The following BMP5 variants were observed in gnomAD, a reference collection of about 807,000 sequenced individuals.
BMP5 encodes the protein bone morphogenetic protein 5.
In BMP5, 23 loss-of-function variants were observed where a neutral mutation model predicts 46.6. The ratio of observed to expected loss-of-function variants is 0.49; its 90% confidence interval spans 0.35 to 0.70. BMP5 has a LOEUF of 0.70. Ranked by LOEUF, BMP5 falls within the 30% of genes least tolerant of loss-of-function variation. The pLI, the probability that BMP5 is intolerant of heterozygous loss-of-function variation, is 0.00. For missense variants in BMP5, 545 were observed against 565.6 expected (o/e 0.96, Z 0.37); for synonymous variants, 204 against 191.9 (o/e 1.06, Z -0.52).
intron 1 of BMP5, among the ~76,000 whole-genome samples, chr6:55,847,770 T>C (rs1420128535): frequency 6.6e-6 from 1 of 151,920 alleles, no homozygotes; most frequent in Admixed American, 6.6e-5. Flanking sequence ...AGAATATCCA[T>C]TACTGTAGAG....
At position 55,774,037 on chromosome 6, in the gene BMP5, G is replaced by A. The variant is rs752036358; in HGVS notation, c.1027+12C>T. The A allele has an allele frequency of 6.2e-7, 1 of 1,611,728 alleles. No homozygotes were observed. The highest frequency in any genetic ancestry group is 8.5e-7 in the Non-Finnish European group (1 of 1,178,848). On this transcript the variant is annotated intron_variant, in intron 4 of 6. Transcript: ENST00000370830. The stretch of plus-strand genomic sequence containing the variant: ...CTCTCTGTGCATAACTGCTGCTCGG[G>A]TTTATTCTTACCTCCAACACTGGAC...
rs1776362867 is a variant in BMP5 at position 55,819,722 on chromosome 6, T to C, written c.616A>G (p.Asn206Asp). 1.2e-6 allele frequency: 2 copies of C among 1,613,824 alleles called. No individual in the cohort carries two copies. Among genetic ancestry groups the C allele is most frequent in the South Asian group, 2.2e-5 (2 of 91,080 alleles). ...AEFRIYKDRS[N>D]NRFENETIKI... ...ATTGTTTCATTTTCAAATCGGTTGT[T>C]GCTCCGGTCCTTGTATATCCGGAAT... Residue 206 changes from asparagine to aspartate, a missense_variant, in exon 2 of 7, where the codon AAC becomes GAC. By Grantham distance (23) the Asn-to-Asp change is conservative. Coordinates refer to ENST00000370830, the MANE Select transcript of BMP5 (RefSeq NM_021073.4).
chr6:55,865,842 T>G (rs932368311), intron 1 of BMP5, among the ~76,000 whole-genome samples: 1 of 152,068 alleles, frequency 6.6e-6, no homozygotes, highest in African/African-American at 2.4e-5. Flanking sequence ...TGAGCTCCAC[T>G]TAGATGAGGA....
chr6:55,773,842 A>G (rs1582053050), intron 4 of BMP5, among the ~76,000 whole-genome samples: 2 of 152,036 alleles, frequency 1.3e-5, no homozygotes. Context: ...TGAATCTTTC[A>G]ACATATGAAG....
chr6:55,871,876 C>A lies in BMP5; in HGVS notation c.490+2500G>T, dbSNP rs1777795437. On this transcript the variant is annotated intron_variant, in intron 1 of 6. Transcript: ENST00000370830. ...TTCCTCAATACAAATCCCTTGCCTA[C>A]TACTAATGTGACTCATTTGTACTTA... Among the ~76,000 whole-genome samples, 3 of 151,706 alleles carry A rather than the reference C, an allele frequency of 2.0e-5. No homozygotes were observed. The South Asian group carries it at 6.2e-4, about 31-fold the overall frequency.
At chr6:55,866,442 T>A (rs564900736) in intron 1 of BMP5, among the ~76,000 whole-genome samples, 3 of 152,272 alleles carry the variant, frequency 2.0e-5, no homozygotes, top group African/African-American at 7.2e-5. Flanking sequence ...CCTGCAACAT[T>A]AACTATGGAA....
intron 1 of BMP5, among the ~76,000 whole-genome samples, chr6:55,833,521 A>C (rs553930802): frequency 6.6e-5 from 10 of 152,344 alleles, no homozygotes; most frequent in Middle Eastern, 3.4e-3. Flanking sequence ...GCAAAACTTA[A>C]AATAACTCTA....
intron 5 of BMP5, among the ~76,000 whole-genome samples, chr6:55,759,415 T>A (rs143640272): frequency 1.3e-5 from 2 of 151,850 alleles, no homozygotes; most frequent in Non-Finnish European, 2.9e-5. Flanking sequence ...ATATTCATAG[T>A]ATGTATTAAA....
chr6:55,840,200 TA>T (rs1411740482), intron 1 of BMP5, among the ~76,000 whole-genome samples: 1 of 152,176 alleles, frequency 6.6e-6, no homozygotes, highest in African/African-American at 2.4e-5. Context: ...TACAATTTTT[TA>T]TATTAACTTT....
intron 1 of BMP5, 138 bp from the exon 2 acceptor site, chr6:55,819,985 C>T: frequency 1.3e-6 from 1 of 753,604 alleles, no homozygotes; most frequent in Non-Finnish European, 2.2e-6. Flanking sequence ...AAACCACAAA[C>T]TGAAACGTGT....
intron 3 of BMP5, among the ~76,000 whole-genome samples, chr6:55,790,148 T>C (rs982302735): frequency 6.6e-6 from 1 of 152,200 alleles, no homozygotes; most frequent in African/African-American, 2.4e-5. Flanking sequence ...ATTTAATTTC[T>C]GTATTGTGGT....
chr6:55,874,560 C>T lies in BMP5; in HGVS notation c.306G>A (p.Arg102=). The T allele has an allele frequency of 6.2e-7, 1 of 1,613,380 alleles. No individual in the cohort carries two copies. Residue 102 remains arginine (R), a synonymous_variant, in exon 1 of 7, where the codon AGG becomes AGA. Transcript: ENST00000370830. ...ENPEESEYSV[R]ASLAEETRGA... Reference sequence around the variant, plus strand: ...CTCTGGTCTCTTCTGCCAAGGATGCCCTTACTGAGTACTCCGACTCTTCAG... The same window carrying T: ...CTCTGGTCTCTTCTGCCAAGGATGCTCTTACTGAGTACTCCGACTCTTCAG...
At chr6:55,854,118 T>C (rs1250118790) in intron 1 of BMP5, among the ~76,000 whole-genome samples, 1 of 152,206 alleles carries the variant, frequency 6.6e-6, no homozygotes, top group Non-Finnish European at 1.5e-5. Context: ...AAGGTTTCTA[T>C]GAATTTCTAA....
chr6:55,845,849 T>C (rs987895520), intron 1 of BMP5, among the ~76,000 whole-genome samples: 1 of 151,980 alleles, frequency 6.6e-6, no homozygotes, highest in Admixed American at 6.6e-5. Context: ...CTTATTCCCA[T>C]ACTTTTATAG....
chr6:55,805,480 T>C (rs145707489), intron 2 of BMP5, among the ~76,000 whole-genome samples: 2 of 152,330 alleles, frequency 1.3e-5, no homozygotes, highest in Non-Finnish European at 2.9e-5. Flanking sequence ...GGTGTATATG[T>C]AGCATATTTT....
At chr6:55,811,576 A>G (rs546728896) in intron 2 of BMP5, among the ~76,000 whole-genome samples, 2 of 151,980 alleles carry the variant, frequency 1.3e-5, no homozygotes, top group East Asian at 1.9e-4. Flanking sequence ...ATACGCTTGA[A>G]CTTTTTTATA....
At chr6:55,858,580 A>G (rs1777454978) in intron 1 of BMP5, among the ~76,000 whole-genome samples, 1 of 152,242 alleles carries the variant, frequency 6.6e-6, no homozygotes, top group African/African-American at 2.4e-5. Context: ...ATATTAATTC[A>G]GGTTTCATTC....
At chr6:55,846,086 A>T (rs115183612) in intron 1 of BMP5, among the ~76,000 whole-genome samples, 1 of 151,958 alleles carries the variant, frequency 6.6e-6, no homozygotes, top group Non-Finnish European at 1.5e-5. Context: ...GGCCCCACAC[A>T]GTCTTTGAAT....
intron 4 of BMP5, among the ~76,000 whole-genome samples, chr6:55,763,983 T>A (rs755951787): frequency 3.3e-5 from 5 of 152,070 alleles, no homozygotes; most frequent in Non-Finnish European, 1.5e-5. Flanking sequence ...AACACAAAAA[T>A]TCCTGAATAT....
Sources: gnomAD v4.1 joint callset for allele counts (sites outside exome capture counted in the v4.1 genomes callset) on GRCh38, gnomAD v4.1.1 for gene constraint, MANE v1.5 for transcripts, NCBI Gene and HGNC (gene_info 2026-07-23, HGNC 2026-07-21) for gene names.